ABCF2: variants seen among roughly 807,000 people sequenced by gnomAD.
ABCF2 encodes ATP binding cassette subfamily F member 2.
In ABCF2, 37 loss-of-function variants were observed where a neutral mutation model predicts 76.9. The observed-to-expected ratio is 0.48, with a 90% CI of 0.37 to 0.63. The LOEUF is 0.63. Among genes scored for constraint, ABCF2 ranks in the 30% least tolerant of loss-of-function variants. The probability of loss-of-function intolerance (pLI) is 0.00; values close to 1 mark genes in which losing one functional copy is unlikely to be tolerated. For missense variants in ABCF2, 524 were observed against 782.1 expected (o/e 0.67, Z 3.94); for synonymous variants, 299 against 283.7 (o/e 1.05, Z -0.54).
chr7:151,224,628 T>C (rs901874439), intron 3 of ABCF2, 148 bp downstream of exon 3: 2 of 748,142 alleles, frequency 2.7e-6, no homozygotes, highest in African/African-American at 3.5e-5. Context: ...CTGCTCTGCG[T>C]TGCTAGTTCC....
Position 151,213,276 on chromosome 7 carries a change from T to C in ABCF2, c.*778A>G, listed in dbSNP as rs35833042. ...CTGAGGCGAGATCTGGCAATCTGATTGCATGAGCCCTCCAGGTGATTCTGA... is the reference window on the plus strand; with the variant it reads ...CTGAGGCGAGATCTGGCAATCTGATCGCATGAGCCCTCCAGGTGATTCTGA... On this transcript the variant is annotated 3_prime_UTR_variant, in exon 15 of 15. Transcript: ENST00000287844. 110,681 of 977,876 alleles carry C rather than the reference T, an allele frequency of 0.11. 6,490 individuals carry two copies. The highest frequency in any genetic ancestry group is 0.17 in the African/African-American group (9,897 of 57,136). 60.6% of individuals were successfully genotyped at this position (977,876 alleles called of 1,614,324 possible).
chr7:151,215,042 C>A lies in ABCF2; in HGVS notation c.1571G>T (p.Arg524Leu). ...IRNLSDGQKC[R>L]VCLAWLAWQN... ...CCAGGCCAGCCAGGCCAGACACACT[C>A]GGCACTTCTGCCCGTCTGACAAGTT... is the stretch of plus-strand genomic sequence containing the variant. Residue 524 changes from arginine (R) to leucine (L), a missense_variant, in exon 14 of 15, where the codon CGA becomes CTA. Physicochemically the swap from Arg to Leu is moderately radical, Grantham distance 102. Transcript: ENST00000287844. This position sits in a 1 kb window ranked among gnomAD's most constrained non-coding sequence, Gnocchi z 4.6. 6.2e-7 allele frequency: 1 copy of A among 1,614,120 alleles called. No homozygotes were observed. Among genetic ancestry groups the A allele is most frequent in the Non-Finnish European group, 8.5e-7 (1 of 1,180,014 alleles).
At chr7:151,224,744 G>C in intron 3 of ABCF2, 32 bp downstream of exon 3, 1 of 1,582,532 alleles carries the variant, frequency 6.3e-7, no homozygotes, top group Non-Finnish European at 8.7e-7. Context: ...GCTAAGGAGA[G>C]ATACCTCCCA....
chr7:151,219,121 C>T lies in ABCF2; in HGVS notation c.960G>A (p.Leu320=), dbSNP rs760342842. Residue 320 remains leucine (L), a synonymous_variant, in exon 8 of 15, where the codon CTG becomes CTA. Transcript: ENST00000287844. ...GAAACCTCTTCATCTGGTTCTCCTC[C>T]AGCTCTAGCCGCGTCTTCACGTACT... ...YDQYVKTRLE[L]EENQMKRFHW... is the part of the protein sequence containing the mutation. 7.4e-6 allele frequency: 12 copies of T among 1,613,938 alleles called. No individual in the cohort carries two copies. The highest frequency in any genetic ancestry group is 9.3e-6 in the Non-Finnish European group (11 of 1,180,018).
rs75657392 is a variant in ABCF2, at chr7:151,214,291, C to A, written c.1735-100G>T. The A allele has an allele frequency of 7.1e-6, 11 of 1,544,780 alleles. No individual in the cohort carries two copies. In the South Asian group the frequency reaches 9.1e-5, roughly 13 times the overall value. On this transcript the variant is annotated intron_variant, in intron 14 of 14. Transcript: ENST00000287844. The surrounding 1 kb of genome is among the most constrained non-coding windows in gnomAD (Gnocchi z 4.9). The stretch of plus-strand genomic sequence containing the variant: ...GCGTCTAGGAAGAAAACTCCGCCCC[C>A]CAAACCCATATCCAACTCACTGTCT...
intron 11 of ABCF2, 82 bp from the exon 12 acceptor site, chr7:151,216,111 A>C: frequency 8.4e-7 from 1 of 1,192,604 alleles, no homozygotes; most frequent in Non-Finnish European, 1.3e-6. Flanking sequence ...AAACAAACAC[A>C]TGTTCACACT....
Position 151,214,061 on chromosome 7 carries a change from T to C in ABCF2, c.1865A>G (p.Asn622Ser). The stretch of plus-strand genomic sequence containing the variant: ...CGAACCCAGGTAGAGGGCTCACACG[T>C]TGTGGGTCCTCTTGGTGAGCTGGGG... Reference protein sequence around the residue: ...EEPQLTKRTHNV With the variant: ...EEPQLTKRTHSV The change falls in exon 15 of 15, where the codon AAC (asparagine) becomes AGC (serine). Residue 622 changes from asparagine (N) to serine (S), a missense_variant. Asn to Ser is a conservative substitution (Grantham distance 46). Transcript: ENST00000287844. This position sits in a 1 kb window ranked among gnomAD's most constrained non-coding sequence, Gnocchi z 4.9. 1 of 1,613,772 alleles carries C rather than the reference T, an allele frequency of 6.2e-7. No individual in the cohort carries two copies. Among genetic ancestry groups the C allele is most frequent in the Non-Finnish European group, 8.5e-7 (1 of 1,179,926 alleles).
chr7:151,212,506 TTTTA>T lies in ABCF2; in HGVS notation c.*1544_*1547del, dbSNP rs1802066924. 1.0e-6 allele frequency: 1 copy of T among 985,424 alleles called. No individual in the cohort carries two copies. The highest frequency in any genetic ancestry group is 1.7e-5 in the African/African-American group (1 of 57,364). 61.0% of individuals were successfully genotyped at this position (985,424 alleles called of 1,614,324 possible). A position where few individuals can be genotyped will look rare whatever the true frequency, so the allele number is the denominator to read the frequency against. Reference sequence around the variant, plus strand: ...GTCTGATGCTCAGCAATCTGAATTTTTTTATTTTTTTGAGACAGTGTCTCGGTCT... The same window carrying T: ...GTCTGATGCTCAGCAATCTGAATTTTTTTTTTTGAGACAGTGTCTCGGTCT... On this transcript the variant is annotated 3_prime_UTR_variant, in exon 15 of 15. Coordinates refer to ENST00000287844, the MANE Select transcript of ABCF2 (RefSeq NM_007189.3).
rs2150572677 is a variant in ABCF2, at chr7:151,215,935, C to T, written c.1401+32G>A. The T allele has an allele frequency of 6.2e-7, 1 of 1,611,638 alleles. No individual in the cohort carries two copies. The highest frequency in any genetic ancestry group is 8.5e-7 in the Non-Finnish European group (1 of 1,177,844). On this transcript the variant is annotated intron_variant, in intron 12 of 14. Coordinates refer to ENST00000287844, the MANE Select transcript of ABCF2 (RefSeq NM_007189.3). This position sits in a 1 kb window ranked among gnomAD's most constrained non-coding sequence, Gnocchi z 4.6. ...ATACAGCCCCTCCCTATACCCTGGG[C>T]AATTCCCCGGATCCCAACCCCAGGC... is the stretch of plus-strand genomic sequence containing the variant.
At chr7:151,221,500 C>CTT (rs376711339) in intron 7 of ABCF2, 78 bp downstream of exon 7, 1,778 of 813,096 alleles carry the variant, frequency 2.2e-3, no homozygotes, top group Middle Eastern at 2.7e-3. Context: ...CCACACCAGC[C>CTT]TTTTTTTTTT....
rs144972185 is a variant in ABCF2, at chr7:151,214,078, G to A, written c.1848C>T (p.Leu616=). 1.0e-3 allele frequency: 1,672 copies of A among 1,614,092 alleles called. No homozygotes were observed. Among genetic ancestry groups the A allele is most frequent in the Non-Finnish European group, 1.3e-3 (1,496 of 1,180,018 alleles). The change falls in exon 15 of 15, where the codon CTC becomes CTT. Residue 616 remains leucine, a synonymous_variant. Coordinates refer to ENST00000287844, the MANE Select transcript of ABCF2 (RefSeq NM_007189.3). The surrounding 1 kb of genome is among the most constrained non-coding windows in gnomAD (Gnocchi z 4.9). ...KSKLVDEEPQ[L]TKRTHNV ...CTCACACGTTGTGGGTCCTCTTGGT[G>A]AGCTGGGGCTCCTCATCCACCAGCT...
chr7:151,215,943 C>G lies in ABCF2; in HGVS notation c.1401+24G>C. On this transcript the variant is annotated intron_variant, in intron 12 of 14. Transcript: ENST00000287844. The surrounding 1 kb of genome is among the most constrained non-coding windows in gnomAD (Gnocchi z 4.6). The stretch of plus-strand genomic sequence containing the variant: ...CCTCCCTATACCCTGGGCAATTCCC[C>G]GGATCCCAACCCCAGGCCTGTACCT... 5 of 1,613,130 alleles carry G rather than the reference C, an allele frequency of 3.1e-6. No individual in the cohort carries two copies. The highest frequency in any genetic ancestry group is 4.2e-6 in the Non-Finnish European group (5 of 1,179,222).
intron 2 of ABCF2, among the ~76,000 whole-genome samples, chr7:151,225,376 TA>T (rs1340920436): frequency 6.6e-6 from 1 of 151,764 alleles, no homozygotes; most frequent in East Asian, 1.9e-4. Context: ...AAGCAAGTCA[TA>T]AAAAAAACCC....
In ABCF2 at chr7:151,211,581, A is replaced by G. The variant is rs141412459; in HGVS notation, c.*2473T>C. ...CAAATAAGCTGACTAGACTATTTCCATTCCTCCAGGTTCTGAAGATCTCCT... is the reference window on the plus strand; with the variant it reads ...CAAATAAGCTGACTAGACTATTTCCGTTCCTCCAGGTTCTGAAGATCTCCT... On this transcript the variant is annotated 3_prime_UTR_variant, in exon 15 of 15. Transcript: ENST00000287844. 1 of 985,254 alleles carries G rather than the reference A, an allele frequency of 1.0e-6. No individual in the cohort carries two copies. Among genetic ancestry groups the G allele is most frequent in the Non-Finnish European group, 1.2e-6 (1 of 829,900 alleles). The allele number at this position is 985,254 out of a possible 1,614,324, so 61.0% of individuals were successfully genotyped here.
intron 6 of ABCF2, 74 bp downstream of exon 6, chr7:151,222,447 A>G: frequency 2.5e-6 from 3 of 1,221,876 alleles, no homozygotes; most frequent in Non-Finnish European, 3.6e-6. Flanking sequence ...ACATCAGTGC[A>G]GTTTCTGGGC....
Position 151,214,821 on chromosome 7 carries a change from T to TACCCTA in ABCF2, c.1734+52_1734+57dup. On this transcript the variant is annotated intron_variant, in intron 14 of 14. Coordinates refer to ENST00000287844, the MANE Select transcript of ABCF2 (RefSeq NM_007189.3). This position sits in a 1 kb window ranked among gnomAD's most constrained non-coding sequence, Gnocchi z 4.9. ...TTATGCACCCTCCACATGCCATGAC[T>TACCCTA]ACCCTACCCAACCCCCTAGAAGCTC... is the stretch of plus-strand genomic sequence containing the variant. 6.4e-7 allele frequency: 1 copy of TACCCTA among 1,555,636 alleles called. No homozygotes were observed. The highest frequency in any genetic ancestry group is 8.9e-7 in the Non-Finnish European group (1 of 1,128,162).
intron 10 of ABCF2, 37 bp from the exon 11 acceptor site, chr7:151,218,228 A>G (rs1385692233): frequency 9.2e-6 from 13 of 1,420,210 alleles, no homozygotes; most frequent in Non-Finnish European, 1.2e-5. Flanking sequence ...ACACAAGGCT[A>G]GAATACAGAT....
Position 151,213,448 on chromosome 7 carries a change from G to C in ABCF2, c.*606C>G. 2.0e-6 allele frequency: 2 copies of C among 985,618 alleles called. No individual in the cohort carries two copies. Among genetic ancestry groups the C allele is most frequent in the Non-Finnish European group, 2.4e-6 (2 of 830,056 alleles). The allele number at this position is 985,618 out of a possible 1,614,324, so 61.1% of individuals were successfully genotyped here. A position where few individuals can be genotyped will look rare whatever the true frequency, so the allele number is the denominator to read the frequency against. ...CTGGATCCAGCTCCTGCTGTGGGCAGTGCATGTTGGCACTGCAGGGAGGAG... is the reference window on the plus strand; with the variant it reads ...CTGGATCCAGCTCCTGCTGTGGGCACTGCATGTTGGCACTGCAGGGAGGAG... On this transcript the variant is annotated 3_prime_UTR_variant, in exon 15 of 15. Transcript: ENST00000287844.
chr7:151,220,464 G>A (rs1341361567), intron 7 of ABCF2, among the ~76,000 whole-genome samples: 2 of 151,612 alleles, frequency 1.3e-5, no homozygotes, highest in South Asian at 2.1e-4. Context: ...CTACAAATGT[G>A]TGCAAGTATA....
Sources: allele counts gnomAD v4.1 joint callset (sites outside exome capture counted in the v4.1 genomes callset), GRCh38; gene constraint gnomAD v4.1.1; non-coding constraint Gnocchi (gnomAD v3.1); transcripts MANE v1.5; gene names NCBI Gene and HGNC (gene_info 2026-07-23, HGNC 2026-07-21).